LTN1: variants seen among roughly 807,000 people sequenced by gnomAD.
The protein encoded by LTN1 is E3 ubiquitin-protein ligase listerin.
In LTN1, 88 loss-of-function variants were observed where a neutral mutation model predicts 201.2. The ratio of observed to expected loss-of-function variants is 0.44; its 90% CI spans 0.37 to 0.52. The LOEUF (loss-of-function observed/expected upper bound fraction) is 0.52, where lower values mean the gene tolerates loss of function less well. Ranked by LOEUF, LTN1 falls within the 20% of genes least tolerant of loss-of-function variation. The pLI, the probability that LTN1 is intolerant of heterozygous loss-of-function variation, is 0.00. For missense variants in LTN1, 1,752 were observed against 2,038.7 expected, an observed-to-expected ratio of 0.86 and a Z score of 2.71; for synonymous variants, 645 against 713.5, an observed-to-expected ratio of 0.90 and a Z score of 1.53.
chr21:28,945,259 G>A (rs2084328655), intron 21 of LTN1, among the ~76,000 whole-genome samples: 1 of 151,848 alleles, frequency 6.6e-6, no homozygotes, highest in Admixed American at 6.6e-5. Flanking sequence ...AAAGAAAACT[G>A]AGTCTCAAAT....
At position 28,935,439 on chromosome 21, in the gene LTN1, C is replaced by T. The variant is rs553599058; in HGVS notation, c.4655-110G>A. On this transcript the variant is annotated intron_variant, in intron 26 of 29. Transcript: ENST00000361371. ...GATCCTTAATTTCTCAACAATAGTG[C>T]TATAGCTCATAAAAACAAACATACC... 673 of 679,522 alleles carry T rather than the reference C, an allele frequency of 9.9e-4. 9 individuals carry two copies. The highest frequency in any genetic ancestry group is 9.8e-3 in the South Asian group (501 of 51,254). The allele number at this position is 679,522 out of a possible 1,614,324, so 42.1% of individuals were successfully genotyped here.
chr21:28,969,650 G>T (rs1432636867), intron 8 of LTN1, 49 bp from the exon 9 acceptor site: 5 of 1,427,602 alleles, frequency 3.5e-6, no homozygotes, highest in East Asian at 4.7e-5. Flanking sequence ...GAAGAAACAA[G>T]AACTCAGAAT....
chr21:28,931,088 T>G, intron 29 of LTN1, 67 bp downstream of exon 29: 1 of 908,726 alleles, frequency 1.1e-6, no homozygotes, highest in Admixed American at 2.0e-5. Context: ...TGTGTGTGTG[T>G]GTGTGTGTGT....
intron 6 of LTN1, among the ~76,000 whole-genome samples, chr21:28,972,880 A>G (rs569596368): frequency 6.6e-6 from 1 of 152,358 alleles, no homozygotes; most frequent in East Asian, 1.9e-4. Context: ...AACTGGGAAA[A>G]CACAAGGAGA....
chr21:28,969,686 C>A (rs1187515814), intron 8 of LTN1, 85 bp from the exon 9 acceptor site: 6 of 951,646 alleles, frequency 6.3e-6, no homozygotes, highest in Non-Finnish European at 7.6e-6. Context: ...CTCAAAAAGG[C>A]ATCATGACAG....
intron 1 of LTN1, 144 bp downstream of exon 1, chr21:28,992,620 G>C: frequency 1.3e-6 from 1 of 797,228 alleles, no homozygotes; most frequent in Non-Finnish European, 2.0e-6. Context: ...TCTCAGGGAC[G>C]CACACACAAC....
At chr21:28,934,885 C>T (rs1009730718) in intron 27 of LTN1, among the ~76,000 whole-genome samples, 19 of 152,098 alleles carry the variant, frequency 1.2e-4, no homozygotes, top group African/African-American at 4.3e-4. Flanking sequence ...TGAGATTTGA[C>T]ACACAAATTA....
chr21:28,967,217 G>T, intron 9 of LTN1, 38 bp from the exon 10 acceptor site: 3 of 1,436,572 alleles, frequency 2.1e-6, no homozygotes, highest in South Asian at 1.3e-5. Context: ...ATATATATTT[G>T]GTCTTCAACC....
chr21:28,982,515 G>T (rs1244221198), intron 4 of LTN1, 147 bp from the exon 5 acceptor site: 6 of 626,576 alleles, frequency 9.6e-6, no homozygotes, highest in Non-Finnish European at 1.7e-5. Context: ...AAAACTGAAA[G>T]GTTTGAATTT....
At chr21:28,940,679 ACATT>A (rs1248878909) in intron 25 of LTN1, among the ~76,000 whole-genome samples, 1 of 152,230 alleles carries the variant, frequency 6.6e-6, no homozygotes, top group Non-Finnish European at 1.5e-5. Context: ...CCTGGTGACT[ACATT>A]CAGTTAGAAA....
rs1425061025 is a variant in LTN1, at chr21:28,970,666, C to A, written c.1061G>T (p.Gly354Val). Residue 354 changes from glycine (G) to valine (V), a missense_variant, in exon 8 of 30, where the codon GGT becomes GTT. Gly to Val is a moderately radical substitution (Grantham distance 109, BLOSUM62 -3). Transcript: ENST00000361371. ...GTAAGGATATATGACAGTAGCTAGA[C>A]CCCGACCACCTTCACGAATCACAGT... ...LSTVIREGGR[G>V]LATVIYPYLL... The A allele has an allele frequency of 3.1e-6, 5 of 1,613,826 alleles. No homozygotes were observed. The highest frequency in any genetic ancestry group is 2.2e-5 in the South Asian group (2 of 91,086).
chr21:28,947,658 A>T, intron 18 of LTN1, 52 bp from the exon 19 acceptor site: 1 of 1,130,640 alleles, frequency 8.8e-7, no homozygotes, highest in Non-Finnish European at 1.2e-6. Flanking sequence ...ACATACAGTT[A>T]TTTTATATAT....
chr21:28,985,583 G>T (rs2084691845), intron 3 of LTN1, among the ~76,000 whole-genome samples: 1 of 151,698 alleles, frequency 6.6e-6, no homozygotes, highest in South Asian at 2.1e-4. Context: ...AAAGCACCTG[G>T]GTAATTCTCC....
chr21:28,947,617 A>G lies in LTN1; in HGVS notation c.3345-11T>C. On this transcript the variant is annotated splice_polypyrimidine_tract_variant and intron_variant, in intron 18 of 29. Coordinates refer to ENST00000361371, the MANE Select transcript of LTN1 (RefSeq NM_015565.3). ...GTTAGTGGAAAAAAACTGTTTAAAG[A>G]AAAAAAAAACACAAGTTAGATTTCT... is the stretch of plus-strand genomic sequence containing the variant. 1 of 1,445,248 alleles carries G rather than the reference A, an allele frequency of 6.9e-7. No individual in the cohort carries two copies. The highest frequency in any genetic ancestry group is 9.2e-7 in the Non-Finnish European group (1 of 1,081,978). The allele number at this position is 1,445,248 out of a possible 1,614,324, so 89.5% of individuals were successfully genotyped here.
intron 1 of LTN1, among the ~76,000 whole-genome samples, chr21:28,991,680 A>T (rs546218519): frequency 6.6e-6 from 1 of 152,252 alleles, no homozygotes; most frequent in Non-Finnish European, 1.5e-5. Context: ...TAAATAAAAA[A>T]CATTAAAAGA....
intron 27 of LTN1, among the ~76,000 whole-genome samples, chr21:28,934,654 A>G (rs147513550): frequency 0.012 from 1,838 of 152,062 alleles, 20 homozygotes; most frequent in South Asian, 0.02. Context: ...ATGGGGTTTC[A>G]CCATGTTGCC....
chr21:28,977,373 CA>C (rs113562906), intron 6 of LTN1, among the ~76,000 whole-genome samples: 40,615 of 102,322 alleles, frequency 0.4, 6,140 homozygotes, highest in East Asian at 0.57. Context: ...GACTCCATCT[CA>C]AAAAAAAAAA....
At chr21:28,947,975 G>A (rs2084352394) in intron 18 of LTN1, among the ~76,000 whole-genome samples, 1 of 151,016 alleles carries the variant, frequency 6.6e-6, no homozygotes, top group Admixed American at 6.6e-5. Flanking sequence ...GGCAGATCAT[G>A]AGGTCAGGCG....
chr21:28,959,826 A>G (rs368582191), intron 12 of LTN1, 129 bp from the exon 13 acceptor site: 23 of 759,312 alleles, frequency 3.0e-5, no homozygotes, highest in Non-Finnish European at 4.5e-5. Context: ...AAATTTTATC[A>G]ACAAATCAAC....
Sources: gnomAD v4.1 joint callset for allele counts (sites outside exome capture counted in the v4.1 genomes callset) on GRCh38, gnomAD v4.1.1 for gene constraint, MANE v1.5 for transcripts, NCBI Gene and HGNC (gene_info 2026-07-23, HGNC 2026-07-21) for gene names.